Variants in TMTC2 observed in about 807,000 individuals in gnomAD.
TMTC2 encodes transmembrane O-mannosyltransferase targeting cadherins 2.
In TMTC2, 43 loss-of-function variants were observed where a neutral mutation model predicts 82.4. The observed-to-expected ratio is 0.52, with a 90% CI of 0.41 to 0.67. The LOEUF (loss-of-function observed/expected upper bound fraction) is 0.67, where lower values mean the gene tolerates loss of function less well. Ranked by LOEUF, TMTC2 falls within the 30% of genes least tolerant of loss-of-function variation. The pLI, the probability that TMTC2 is intolerant of heterozygous loss-of-function variation, is 0.00. For missense variants in TMTC2, 919 were observed against 1,012.4 expected, an observed-to-expected ratio of 0.91 and a Z score of 1.25; for synonymous variants, 408 against 381.9, an observed-to-expected ratio of 1.07 and a Z score of -0.80.
intron 1 of TMTC2, among the ~76,000 whole-genome samples, chr12:82,724,031 G>T (rs570633369): frequency 6.6e-6 from 1 of 152,300 alleles, no homozygotes; most frequent in Admixed American, 6.5e-5. Flanking sequence ...GGGATACAAA[G>T]AACTTCTGGA....
chr12:83,062,653 A>G (rs560771290), intron 11 of TMTC2, among the ~76,000 whole-genome samples: 2 of 151,942 alleles, frequency 1.3e-5, no homozygotes, highest in African/African-American at 2.4e-5. Flanking sequence ...CCATTGGGCA[A>G]GCATCTATAG....
At chr12:83,039,385 G>A (rs964048790) in intron 9 of TMTC2, among the ~76,000 whole-genome samples, 2 of 151,750 alleles carry the variant, frequency 1.3e-5, no homozygotes, top group Non-Finnish European at 2.9e-5. Context: ...TCACTTGCAT[G>A]GAGTCTATTA....
At chr12:83,059,912 T>C (rs1056670058) in intron 10 of TMTC2, among the ~76,000 whole-genome samples, 1 of 151,752 alleles carries the variant, frequency 6.6e-6, no homozygotes, top group African/African-American at 2.4e-5. Context: ...AGTATTAAGT[T>C]ACTCCAATTT....
intron 1 of TMTC2, among the ~76,000 whole-genome samples, chr12:82,739,173 A>G (rs1201665558): frequency 2.6e-5 from 4 of 151,616 alleles, no homozygotes; most frequent in African/African-American, 9.7e-5. Flanking sequence ...AAGAGGATAC[A>G]TAGAAATATG....
intron 11 of TMTC2, among the ~76,000 whole-genome samples, chr12:83,087,117 T>C (rs542036955): frequency 1.0e-3 from 154 of 152,314 alleles, no homozygotes; most frequent in Non-Finnish European, 2.0e-3. Flanking sequence ...CTAAGTCCTT[T>C]GTTATCATAT....
intron 11 of TMTC2, among the ~76,000 whole-genome samples, chr12:83,082,962 G>C (rs182589363): frequency 8.0e-4 from 122 of 152,318 alleles, no homozygotes; most frequent in African/African-American, 2.6e-3. Flanking sequence ...GGAATCAAAA[G>C]GGTTAAACAG....
intron 1 of TMTC2, among the ~76,000 whole-genome samples, chr12:82,706,089 A>G (rs966147462): frequency 2.0e-5 from 3 of 152,066 alleles, no homozygotes; most frequent in Non-Finnish European, 4.4e-5. Flanking sequence ...TGGGTAGATC[A>G]CCTGAGGTCA....
At chr12:82,748,556 T>G (rs1265002696) in intron 1 of TMTC2, among the ~76,000 whole-genome samples, 2 of 151,962 alleles carry the variant, frequency 1.3e-5, no homozygotes, top group Admixed American at 6.6e-5. Flanking sequence ...AGGTACTCCC[T>G]AAGCAAATGA....
At chr12:83,082,955 A>G (rs1425643008) in intron 11 of TMTC2, among the ~76,000 whole-genome samples, 1 of 152,226 alleles carries the variant, frequency 6.6e-6, no homozygotes, top group East Asian at 1.9e-4. Flanking sequence ...AGGCTCTGGA[A>G]TCAAAAGGGT....
intron 3 of TMTC2, among the ~76,000 whole-genome samples, chr12:82,924,453 T>A (rs1372557724): frequency 6.6e-6 from 1 of 152,214 alleles, no homozygotes; most frequent in African/African-American, 2.4e-5. Context: ...TGCTTTATCA[T>A]GATCTCAGAG....
intron 4 of TMTC2, among the ~76,000 whole-genome samples, chr12:82,937,772 A>ATATATATATATATACG (rs1565818376): frequency 4.4e-5 from 1 of 22,690 alleles, no homozygotes; most frequent in African/African-American, 1.4e-4. Flanking sequence ...ATATATATAT[A>ATATATATATATATACG]TATATATATA....
intron 11 of TMTC2, among the ~76,000 whole-genome samples, chr12:83,077,166 A>G (rs1378693350): frequency 6.6e-6 from 1 of 152,180 alleles, no homozygotes; most frequent in African/African-American, 2.4e-5. Context: ...ATCTTGGCAT[A>G]TTGACGTTGT....
chr12:82,997,386 ATATATATATGTGTATATATATATGTG>A (rs1399714917), intron 8 of TMTC2, among the ~76,000 whole-genome samples: 8 of 39,994 alleles, frequency 2.0e-4, no homozygotes, highest in African/African-American at 6.7e-4. Context: ...ATATATGTGT[ATATATATATGTGTATATATATATGTG>A]TATATATATA....
At chr12:82,845,591 T>C (rs1271293511) in intron 1 of TMTC2, among the ~76,000 whole-genome samples, 1 of 152,026 alleles carries the variant, frequency 6.6e-6, no homozygotes, top group East Asian at 1.9e-4. Context: ...TCTGATACAG[T>C]ATAGTACGGT....
At chr12:82,830,306 T>G (rs1245887947) in intron 1 of TMTC2, among the ~76,000 whole-genome samples, 1 of 152,154 alleles carries the variant, frequency 6.6e-6, no homozygotes, top group Admixed American at 6.6e-5. Flanking sequence ...AAAATGTTAA[T>G]TGATCCTCGA....
At chr12:82,837,627 G>A (rs964151580) in intron 1 of TMTC2, among the ~76,000 whole-genome samples, 1 of 152,172 alleles carries the variant, frequency 6.6e-6, no homozygotes, top group African/African-American at 2.4e-5. Context: ...TTGGTCGATA[G>A]AAAAGTCAAT....
chr12:82,763,738 C>A (rs553480609), intron 1 of TMTC2, among the ~76,000 whole-genome samples: 1 of 152,142 alleles, frequency 6.6e-6, no homozygotes, highest in African/African-American at 2.4e-5. Context: ...GCCACAAAAA[C>A]AATAGAAAGT....
chr12:82,707,699 G>A (rs1367515332), intron 1 of TMTC2, among the ~76,000 whole-genome samples: 1 of 152,194 alleles, frequency 6.6e-6, no homozygotes, highest in Non-Finnish European at 1.5e-5. Flanking sequence ...GTGGAAAGGA[G>A]GCAGGTTTGT....
intron 1 of TMTC2, among the ~76,000 whole-genome samples, chr12:82,844,188 A>G (rs984936300): frequency 6.6e-6 from 1 of 152,182 alleles, no homozygotes; most frequent in Non-Finnish European, 1.5e-5. Flanking sequence ...GCCAGAGGGT[A>G]CTTTTCCTAT....
Sources: gnomAD v4.1 joint callset for allele counts (sites outside exome capture counted in the v4.1 genomes callset) on GRCh38, gnomAD v4.1.1 for gene constraint, MANE v1.5 for transcripts, NCBI Gene and HGNC (gene_info 2026-07-23, HGNC 2026-07-21) for gene names.